Variants in CDH1 observed in about 807,000 individuals in gnomAD.
CDH1 encodes the protein cadherin-1.
A neutral mutation model predicts 84.5 loss-of-function variants in CDH1; 35 were observed. The observed-to-expected ratio is 0.41, with a 90% CI of 0.32 to 0.55. The LOEUF (loss-of-function observed/expected upper bound fraction) is 0.55. Ranked by LOEUF, CDH1 falls within the 20% of genes least tolerant of loss-of-function variation. CDH1 has a pLI of 0.19. For missense variants in CDH1, 994 were observed against 1,126.6 expected, an observed-to-expected ratio of 0.88 and a Z score of 1.68; for synonymous variants, 417 against 439.0, an observed-to-expected ratio of 0.95 and a Z score of 0.63.
chr16:68,758,520 C>G (rs1186520996), intron 2 of CDH1, among the ~76,000 whole-genome samples: 1 of 151,754 alleles, frequency 6.6e-6, no homozygotes, highest in Non-Finnish European at 1.5e-5. Context: ...CTGGGAGTTT[C>G]GAGGCTGCAG....
At chr16:68,816,033 T>A (rs1166481483) in intron 10 of CDH1, among the ~76,000 whole-genome samples, 1 of 152,228 alleles carries the variant, frequency 6.6e-6, no homozygotes, top group Non-Finnish European at 1.5e-5. Context: ...TTGTGTTTTT[T>A]TGAGTTTGGA....
intron 2 of CDH1, among the ~76,000 whole-genome samples, chr16:68,773,294 CTTTTTTT>C (rs750916649): frequency 1.4e-5 from 2 of 138,848 alleles, no homozygotes; most frequent in African/African-American, 2.6e-5. Flanking sequence ...AGTTATTTTC[CTTTTTTT>C]TTTTTTTTTT....
chr16:68,833,371 G>A lies in CDH1; in HGVS notation c.2521G>A (p.Glu841Lys), dbSNP rs377489352. 30 of 1,614,054 alleles carry A rather than the reference G, an allele frequency of 1.9e-5. No homozygotes were observed. Among genetic ancestry groups the A allele is most frequent in the African/African-American group, 2.7e-5 (2 of 74,920 alleles). The change falls in exon 16 of 16, where the codon GAA becomes AAA. Residue 841 changes from glutamate to lysine, a missense_variant. By Grantham distance (56) the Glu-to-Lys change is moderately conservative. Coordinates refer to ENST00000261769, the MANE Select transcript of CDH1 (RefSeq NM_004360.5). ...LVFDYEGSGSEAASLSSLNSS... is the reference protein window; with the variant it reads ...LVFDYEGSGSKAASLSSLNSS... ...GTTTGACTATGAAGGAAGCGGTTCC[G>A]AAGCTGCTAGTCTGAGCTCCCTGAA...
chr16:68,827,317 G>A (rs1961346774), intron 13 of CDH1, among the ~76,000 whole-genome samples: 1 of 151,426 alleles, frequency 6.6e-6, no homozygotes, highest in South Asian at 2.1e-4. Context: ...GCTTCATAGG[G>A]TACAGTATAT....
rs901086196 is a variant in CDH1 at position 68,737,395 on chromosome 16, G to C, written c.-21G>C. 1.3e-6 allele frequency: 2 copies of C among 1,529,884 alleles called. No homozygotes were observed. The highest frequency in any genetic ancestry group is 1.7e-6 in the Non-Finnish European group (2 of 1,144,540). 94.8% of individuals were successfully genotyped at this position (1,529,884 alleles called of 1,614,324 possible). A position where few individuals can be genotyped will look rare whatever the true frequency, so the allele number is the denominator to read the frequency against. The stretch of plus-strand genomic sequence containing the variant: ...CCGACCGCACCCGGCGCCTGCCCTC[G>C]CTCGGCGTCCCCGGCCAGCCATGGG... On this transcript the variant is annotated 5_prime_UTR_variant, in exon 1 of 16. Transcript: ENST00000261769.
chr16:68,766,935 T>C (rs28660361), intron 2 of CDH1, among the ~76,000 whole-genome samples: 44,898 of 151,538 alleles, frequency 0.3, 6,699 homozygotes, highest in Middle Eastern at 0.34. Flanking sequence ...CCACGTTGGC[T>C]AGGCTAACCT....
intron 10 of CDH1, among the ~76,000 whole-genome samples, chr16:68,818,283 G>C (rs1961037336): frequency 6.6e-6 from 1 of 151,356 alleles, no homozygotes; most frequent in South Asian, 2.1e-4. Context: ...AATCAAATTG[G>C]GGTTATATAA....
At chr16:68,744,729 C>T (rs555972274) in intron 2 of CDH1, among the ~76,000 whole-genome samples, 1 of 152,158 alleles carries the variant, frequency 6.6e-6, no homozygotes, top group African/African-American at 2.4e-5. Context: ...GACTTAGTTT[C>T]CCTCTCTGTA....
At chr16:68,811,257 C>T (rs560245540) in intron 6 of CDH1, among the ~76,000 whole-genome samples, 44 of 151,904 alleles carry the variant, frequency 2.9e-4, no homozygotes, top group African/African-American at 7.7e-4. Flanking sequence ...ATTAGCTGGG[C>T]GTGGCGACGC....
chr16:68,815,394 CCA>C (rs1960953774), intron 9 of CDH1, 119 bp from the exon 10 acceptor site: 1 of 1,302,694 alleles, frequency 7.7e-7, no homozygotes, highest in East Asian at 2.5e-5. Context: ...ATGGCAGAAA[CCA>C]CAGTTACTTT....
chr16:68,826,034 G>A (rs1961314386), intron 13 of CDH1, among the ~76,000 whole-genome samples: 1 of 151,880 alleles, frequency 6.6e-6, no homozygotes, highest in African/African-American at 2.4e-5. Flanking sequence ...TGCCCAGGCT[G>A]GTCTCAAACT....
chr16:68,775,696 G>A (rs1125557), intron 2 of CDH1, among the ~76,000 whole-genome samples: 73,342 of 152,076 alleles, frequency 0.48, 18,903 homozygotes, highest in Non-Finnish European at 0.58. Flanking sequence ...AGCATAGCTG[G>A]CATTTCTACA....
chr16:68,771,733 A>G (rs1420173466), intron 2 of CDH1, among the ~76,000 whole-genome samples: 1 of 148,666 alleles, frequency 6.7e-6, no homozygotes, highest in Non-Finnish European at 1.5e-5. Context: ...GCCTGGCGAC[A>G]GAGCAAGACT....
At chr16:68,832,746 G>A (rs1360522314) in intron 15 of CDH1, among the ~76,000 whole-genome samples, 2 of 152,022 alleles carry the variant, frequency 1.3e-5, no homozygotes, top group Admixed American at 6.6e-5. Context: ...CTTGAACCTG[G>A]GAGGCAGATG....
chr16:68,776,967 C>A (rs1959749918), intron 2 of CDH1, among the ~76,000 whole-genome samples: 1 of 152,168 alleles, frequency 6.6e-6, no homozygotes, highest in Admixed American at 6.5e-5. Context: ...GGAGCTGAAA[C>A]CTCAATCTTG....
chr16:68,793,829 G>C (rs1960278368), intron 2 of CDH1, among the ~76,000 whole-genome samples: 1 of 151,800 alleles, frequency 6.6e-6, no homozygotes, highest in Admixed American at 6.6e-5. Context: ...GAGGCAGGAG[G>C]CTGAGGCAGC....
Position 68,822,099 on chromosome 16 carries a change from G to A in CDH1, c.1810G>A (p.Glu604Lys), listed in dbSNP as rs2152138343. The change falls in exon 12 of 16, where the codon GAG (glutamate) becomes AAG (lysine). Residue 604 changes from glutamate (E) to lysine (K), a missense_variant. Around this residue, in one of 3 missense-constraint regions of CDH1, gnomAD observed 769 missense variants for 881.8 expected, o/e 0.87. Coordinates refer to ENST00000261769, the MANE Select transcript of CDH1 (RefSeq NM_004360.5). ...AGAACCTCGAACTATATTCTTCTGTGAGAGGAATCCAAAGCCTCAGGTCAT... is the reference window on the plus strand; with the variant it reads ...AGAACCTCGAACTATATTCTTCTGTAAGAGGAATCCAAAGCCTCAGGTCAT... ...IPEPRTIFFC[E>K]RNPKPQVINI... 1 of 1,614,060 alleles carries A rather than the reference G, an allele frequency of 6.2e-7. No homozygotes were observed. Among genetic ancestry groups the A allele is most frequent in the Non-Finnish European group, 8.5e-7 (1 of 1,179,944 alleles).
intron 2 of CDH1, among the ~76,000 whole-genome samples, chr16:68,742,832 C>T (rs1962603995): frequency 6.6e-6 from 1 of 152,216 alleles, no homozygotes; most frequent in Admixed American, 6.5e-5. Context: ...TTGGGATCAC[C>T]TTACATCATC....
intron 2 of CDH1, among the ~76,000 whole-genome samples, chr16:68,746,897 G>A (rs1245743611): frequency 5.9e-5 from 9 of 151,686 alleles, no homozygotes; most frequent in Non-Finnish European, 8.8e-5. Context: ...TGCAATGAGC[G>A]GAGATTGTGC....
Sources: allele counts gnomAD v4.1 joint callset (sites outside exome capture counted in the v4.1 genomes callset), GRCh38; gene constraint gnomAD v4.1.1; regional missense constraint gnomAD v4.1.1; transcripts MANE v1.5; gene names NCBI Gene and HGNC (gene_info 2026-07-23, HGNC 2026-07-21).